The following NIPSNAP3B variants were observed in gnomAD, a reference collection of about 807,000 sequenced individuals.
The protein encoded by NIPSNAP3B is protein NipSnap homolog 3B.
Under a neutral mutation model 31.5 loss-of-function variants are expected in NIPSNAP3B, and 30 were observed. The ratio of observed to expected loss-of-function variants is 0.95; its 90% CI spans 0.71 to 1.29. The LOEUF (loss-of-function observed/expected upper bound fraction) is 1.29, where lower values mean the gene tolerates loss of function less well. Among genes scored for constraint, NIPSNAP3B ranks in the 50% most tolerant of loss-of-function variants. The probability of loss-of-function intolerance (pLI) is 0.00; values close to 1 mark genes in which losing one functional copy is unlikely to be tolerated. For synonymous variants in NIPSNAP3B, 106 were observed against 107.9 expected, an observed-to-expected ratio of 0.98 and a Z score of 0.11; for missense variants, 269 against 300.7, an observed-to-expected ratio of 0.89 and a Z score of 0.78.
the NIPSNAP3B span, among the ~76,000 whole-genome samples, chr9:104,789,292 C>T: frequency 3.8e-4 from 58 of 152,300 alleles, no homozygotes; most frequent in African/African-American, 1.4e-3. Context: ...CTGTGACAAA[C>T]CTTACTATGG....
chr9:104,788,768 G>A, the NIPSNAP3B span, among the ~76,000 whole-genome samples: 1 of 152,184 alleles, frequency 6.6e-6, no homozygotes, highest in Non-Finnish European at 1.5e-5. Context: ...ACCCTCCCCA[G>A]TCCTTGCACC....
chr9:104,769,736 CAA>C (rs1003560560), intron 3 of NIPSNAP3B, among the ~76,000 whole-genome samples: 24 of 152,120 alleles, frequency 1.6e-4, no homozygotes, highest in African/African-American at 2.2e-4. Context: ...ATTTTTTCCA[CAA>C]AGTCAGCTAA....
intron 2 of NIPSNAP3B, among the ~76,000 whole-genome samples, 158 bp downstream of exon 2, chr9:104,766,693 C>A (rs1236760865): frequency 6.6e-6 from 1 of 152,076 alleles, no homozygotes; most frequent in Non-Finnish European, 1.5e-5. Context: ...AGATCTTCTT[C>A]CCAGTGGTAC....
At chr9:104,779,361 A>G (rs899756344), downstream of NIPSNAP3B, among the ~76,000 whole-genome samples, 1 of 152,220 alleles carries the variant, frequency 6.6e-6, no homozygotes, top group African/African-American at 2.4e-5. Context: ...GGCATACAGT[A>G]AAGTTCAATA....
chr9:104,787,980 G>A, the NIPSNAP3B span: 1 of 1,614,178 alleles, frequency 6.2e-7, no homozygotes, highest in Non-Finnish European at 8.5e-7. Context: ...TGCGTTTGTT[G>A]CCTCCACTAT....
At chr9:104,779,691 G>C (rs1828423878), downstream of NIPSNAP3B, among the ~76,000 whole-genome samples, 1 of 149,778 alleles carries the variant, frequency 6.7e-6, no homozygotes, top group Non-Finnish European at 1.5e-5. Context: ...ATCTGGAAAA[G>C]TTCTTTTGGG....
Position 104,767,332 on chromosome 9 carries a change from T to C in NIPSNAP3B, c.271+797T>C, listed in dbSNP as rs573809779. On this transcript the variant is annotated intron_variant, in intron 2 of 5. Coordinates refer to ENST00000374762, the MANE Select transcript of NIPSNAP3B (RefSeq NM_018376.4). ...GAATGAGAGACAGTCCTTCCCATAT[T>C]GAAGCTGACCTACCCCTGGTTTAGT... is the stretch of plus-strand genomic sequence containing the variant. 9.2e-5 allele frequency among the ~76,000 whole-genome samples: 14 copies of C among 152,252 alleles called. No individual in the cohort carries two copies. In the East Asian group the frequency reaches 2.5e-3, roughly 27 times the overall value.
At position 104,769,001 on chromosome 9, in the gene NIPSNAP3B, T is replaced by G; in HGVS notation, c.410T>G (p.Leu137Ter). 6.2e-7 allele frequency: 1 copy of G among 1,612,520 alleles called. No individual in the cohort carries two copies. Among genetic ancestry groups the G allele is most frequent in the Non-Finnish European group, 8.5e-7 (1 of 1,179,512 alleles). Residue 137 changes from leucine (L) to a stop codon, truncating the protein, a stop_gained, in exon 3 of 6, where the codon TTA becomes TGA. Coordinates refer to ENST00000374762, the MANE Select transcript of NIPSNAP3B (RefSeq NM_018376.4). LOFTEE classifies it high-confidence loss of function. ...EITYLIPWSK[L>*]EKPPKEGVYE... The stretch of plus-strand genomic sequence containing the variant: ...ACTTACCTGATACCATGGTCCAAAT[T>G]AGAAAAGCCTCCAAAAGAAGGTGAG...
At chr9:104,786,209 T>C in the NIPSNAP3B span, 7 of 1,131,716 alleles carry the variant, frequency 6.2e-6, no homozygotes, top group Non-Finnish European at 8.0e-6. Flanking sequence ...TATTTCCCTT[T>C]ATGTTAGAGG....
chr9:104,788,802 G>A, the NIPSNAP3B span, among the ~76,000 whole-genome samples: 1 of 152,146 alleles, frequency 6.6e-6, no homozygotes, highest in African/African-American at 2.4e-5. Context: ...GAACACTTCA[G>A]TCTGCAGGTG....
the NIPSNAP3B span, among the ~76,000 whole-genome samples, chr9:104,785,960 C>G: frequency 1.3e-5 from 2 of 152,202 alleles, no homozygotes; most frequent in Non-Finnish European, 2.9e-5. Flanking sequence ...GGCCAGGATG[C>G]AAACCCATTT....
At chr9:104,786,843 C>A in the NIPSNAP3B span, 1 of 1,572,816 alleles carries the variant, frequency 6.4e-7, no homozygotes, top group South Asian at 1.1e-5. Flanking sequence ...AAACATCCCA[C>A]AGTGAGGAAC....
intron 3 of NIPSNAP3B, 60 bp downstream of exon 3, chr9:104,769,081 T>C: frequency 8.0e-7 from 1 of 1,253,012 alleles, no homozygotes; most frequent in Non-Finnish European, 1.1e-6. Flanking sequence ...GACCTAAAGT[T>C]ATAAAGAGTA....
At chr9:104,785,424 T>C in the NIPSNAP3B span, 5 of 1,613,996 alleles carry the variant, frequency 3.1e-6, no homozygotes, top group Non-Finnish European at 4.2e-6. Flanking sequence ...AGAAACAGAG[T>C]AGTCTTCTAT....
chr9:104,779,501 T>C (rs910787264), downstream of NIPSNAP3B, among the ~76,000 whole-genome samples: 2 of 152,178 alleles, frequency 1.3e-5, no homozygotes, highest in African/African-American at 4.8e-5. Context: ...GAGTTTCTTA[T>C]CCACTGAGCT....
rs1460816546 is a variant in NIPSNAP3B, at chr9:104,776,971, C to T, written c.*3898C>T. 1.3e-5 allele frequency among the ~76,000 whole-genome samples: 2 copies of T among 152,208 alleles called. No individual in the cohort carries two copies. The highest frequency in any genetic ancestry group is 1.3e-4 in the Admixed American group (2 of 15,286). On this transcript the variant is annotated 3_prime_UTR_variant, in exon 6 of 6. Transcript: ENST00000374762. ...CATAACTGTTATTGGAAGTGCCTCA[C>T]TACTCCATTTGGAAAGTATTCCTGG...
the NIPSNAP3B span, among the ~76,000 whole-genome samples, chr9:104,789,718 T>G: frequency 6.6e-6 from 1 of 152,170 alleles, no homozygotes; most frequent in Admixed American, 6.5e-5. Context: ...ACATACTAGG[T>G]TGAGATATAA....
At position 104,776,759 on chromosome 9, in the gene NIPSNAP3B, C is replaced by T. The variant is rs75155349; in HGVS notation, c.*3686C>T. On this transcript the variant is annotated 3_prime_UTR_variant, in exon 6 of 6. Coordinates refer to ENST00000374762, the MANE Select transcript of NIPSNAP3B (RefSeq NM_018376.4). ...ATATATGATTTGTTAATGTATGTCTCTTCCCACTAGAAACCGAATTCTATG... is the reference window on the plus strand; with the variant it reads ...ATATATGATTTGTTAATGTATGTCTTTTCCCACTAGAAACCGAATTCTATG... Among the ~76,000 whole-genome samples, 513 of 152,320 alleles carry T rather than the reference C, an allele frequency of 3.4e-3. 2 individuals carry two copies. The highest frequency in any genetic ancestry group is 0.011 in the African/African-American group (463 of 41,562).
chr9:104,768,192 T>G (rs528210045), intron 2 of NIPSNAP3B, among the ~76,000 whole-genome samples: 16 of 152,266 alleles, frequency 1.1e-4, no homozygotes, highest in African/African-American at 3.9e-4. Flanking sequence ...TCTTGGTAAA[T>G]GTATATACCT....
Sources: allele counts gnomAD v4.1 joint callset (sites outside exome capture counted in the v4.1 genomes callset), GRCh38; gene constraint gnomAD v4.1.1; transcripts MANE v1.5; gene names NCBI Gene and HGNC (gene_info 2026-07-23, HGNC 2026-07-21).